Variants in TMC1 observed in about 807,000 individuals in gnomAD.
The protein encoded by TMC1 is transmembrane channel-like protein 1.
In TMC1, 84 loss-of-function variants were observed where a neutral mutation model predicts 105.8. That is an observed-to-expected ratio of 0.79 (90% CI 0.67 to 0.95). TMC1 has a LOEUF of 0.95. TMC1 is among the 40% of genes least tolerant of loss of function. The pLI, the probability that TMC1 is intolerant of heterozygous loss-of-function variation, is 0.00. For synonymous variants in TMC1, 315 were observed against 311.5 expected, an observed-to-expected ratio of 1.01 and a Z score of -0.12; for missense variants, 817 against 914.1, an observed-to-expected ratio of 0.89 and a Z score of 1.37.
At chr9:72,810,282 T>C (rs1364542798) in intron 18 of TMC1, among the ~76,000 whole-genome samples, 1 of 152,128 alleles carries the variant, frequency 6.6e-6, no homozygotes, top group Admixed American at 6.5e-5. Flanking sequence ...CAACCTGAGA[T>C]AGGCAGAGGA....
intron 12 of TMC1, among the ~76,000 whole-genome samples, chr9:72,761,153 T>C (rs970179667): frequency 2.6e-5 from 4 of 152,184 alleles, no homozygotes; most frequent in African/African-American, 9.6e-5. Flanking sequence ...ATGAATCAAA[T>C]AAGCAGAAAT....
intron 13 of TMC1, among the ~76,000 whole-genome samples, chr9:72,786,975 G>C (rs1181776014): frequency 6.7e-6 from 1 of 149,168 alleles, no homozygotes; most frequent in African/African-American, 2.5e-5. Context: ...TTCTCCCTAG[G>C]TTAAACCATA....
chr9:72,532,522 C>G (rs1303443598), intron 1 of TMC1, among the ~76,000 whole-genome samples: 1 of 101,828 alleles, frequency 9.8e-6, no homozygotes, highest in African/African-American at 3.8e-5. Flanking sequence ...GCCTGGACAA[C>G]AAGAGCGAGA....
chr9:72,668,430 GT>G (rs1358837585), intron 5 of TMC1, among the ~76,000 whole-genome samples: 1 of 152,160 alleles, frequency 6.6e-6, no homozygotes, highest in East Asian at 1.9e-4. Context: ...GTGTATTCTT[GT>G]TGATTGAGTG....
intron 12 of TMC1, among the ~76,000 whole-genome samples, chr9:72,764,263 G>A (rs1393308654): frequency 6.6e-6 from 1 of 152,094 alleles, no homozygotes; most frequent in Non-Finnish European, 1.5e-5. Context: ...GCTGTGTCCA[G>A]ATGACCACAC....
At chr9:72,667,442 A>G (rs895347992) in intron 5 of TMC1, among the ~76,000 whole-genome samples, 1 of 152,196 alleles carries the variant, frequency 6.6e-6, no homozygotes, top group African/African-American at 2.4e-5. Flanking sequence ...CATATTTTCA[A>G]AAAGATGTAG....
chr9:72,632,761 G>A (rs370593075), intron 4 of TMC1, among the ~76,000 whole-genome samples: 4 of 152,194 alleles, frequency 2.6e-5, no homozygotes, highest in African/African-American at 4.8e-5. Flanking sequence ...TATATTAATT[G>A]TAAGGTTTTT....
chr9:72,805,651 G>A (rs1663399827), intron 18 of TMC1, 141 bp downstream of exon 18: 1 of 740,526 alleles, frequency 1.4e-6, no homozygotes, highest in African/African-American at 1.8e-5. Context: ...ATAAACAAGT[G>A]AACAAAGGTC....
At chr9:72,832,818 A>T (rs1829062319) in intron 23 of TMC1, among the ~76,000 whole-genome samples, 2 of 152,206 alleles carry the variant, frequency 1.3e-5, no homozygotes, top group Admixed American at 1.3e-4. Flanking sequence ...TCAATACTAC[A>T]TGTGTGCATA....
intron 2 of TMC1, among the ~76,000 whole-genome samples, chr9:72,580,525 C>G (rs1824458060): frequency 2.6e-5 from 4 of 151,970 alleles, no homozygotes; most frequent in Admixed American, 2.6e-4. Flanking sequence ...ACACTAACTT[C>G]CAAACCTCTT....
chr9:72,532,486 A>T (rs893637575), intron 1 of TMC1, among the ~76,000 whole-genome samples: 1 of 134,386 alleles, frequency 7.4e-6, no homozygotes, highest in African/African-American at 2.8e-5. Flanking sequence ...GGTTGCAGTG[A>T]GCCGAGATCG....
chr9:72,735,616 A>T (rs1420539090), intron 8 of TMC1, among the ~76,000 whole-genome samples: 2 of 152,176 alleles, frequency 1.3e-5, no homozygotes, highest in Non-Finnish European at 2.9e-5. Flanking sequence ...TACGTTATCA[A>T]GGAGGATAGA....
rs773156746 is a variant in TMC1 at position 72,788,456 on chromosome 9, A to G, written c.1002A>G (p.Lys334=). The G allele has an allele frequency of 1.9e-6, 3 of 1,614,052 alleles. No homozygotes were observed. The highest frequency in any genetic ancestry group is 1.6e-4 in the Middle Eastern group (1 of 6,062). The change falls in exon 14 of 24, where the codon AAA becomes AAG. Residue 334 remains lysine, a synonymous_variant. Transcript: ENST00000297784. ...LIGNPETADN[K]FNSITMNFKE... The stretch of plus-strand genomic sequence containing the variant: ...GCAATCCTGAAACAGCAGACAACAA[A>G]TTTAATTCTATCACAATGAACTTTA...
chr9:72,750,820 A>G (rs552882906), intron 10 of TMC1, among the ~76,000 whole-genome samples: 8 of 152,216 alleles, frequency 5.3e-5, no homozygotes, highest in African/African-American at 1.9e-4. Flanking sequence ...CTTATCTGTC[A>G]CCACTTTCCC....
At chr9:72,700,670 A>T (rs746813552) in intron 8 of TMC1, 27 bp downstream of exon 8, 12 of 1,529,892 alleles carry the variant, frequency 7.8e-6, no homozygotes, top group Non-Finnish European at 1.1e-5. Flanking sequence ...TATAAGTAGA[A>T]ACACTTTCCC....
At chr9:72,650,883 G>GATATCTATATAAAT (rs1825796886) in intron 5 of TMC1, among the ~76,000 whole-genome samples, 1 of 98,410 alleles carries the variant, frequency 1.0e-5, no homozygotes, top group African/African-American at 3.5e-5. Flanking sequence ...TATATATATA[G>GATATCTATATAAAT]ATATATAGAT....
In TMC1 at chr9:72,805,274, T is replaced by C; in HGVS notation, c.1567-108T>C. On this transcript the variant is annotated intron_variant, in intron 17 of 23. Coordinates refer to ENST00000297784, the MANE Select transcript of TMC1 (RefSeq NM_138691.3). ...GTTGTTTTCTTCTTTTGCCATTAATTGCAGTCTTCAAGCCAATACTTCTTT... is the reference window on the plus strand; with the variant it reads ...GTTGTTTTCTTCTTTTGCCATTAATCGCAGTCTTCAAGCCAATACTTCTTT... 3.5e-6 allele frequency: 4 copies of C among 1,132,564 alleles called. No homozygotes were observed. In the South Asian group the frequency reaches 4.3e-5, roughly 12 times the overall value. 70.2% of individuals were successfully genotyped at this position (1,132,564 alleles called of 1,614,324 possible).
chr9:72,805,746 C>G (rs1380285509), intron 18 of TMC1, among the ~76,000 whole-genome samples: 2 of 151,708 alleles, frequency 1.3e-5, no homozygotes, highest in Admixed American at 1.3e-4. Flanking sequence ...GGTGATGACT[C>G]TTAAGGAGCA....
intron 2 of TMC1, among the ~76,000 whole-genome samples, chr9:72,585,307 C>T (rs1010986898): frequency 4.0e-5 from 5 of 124,864 alleles, no homozygotes; most frequent in Admixed American, 1.6e-4. Flanking sequence ...CCTGCCACCA[C>T]GCCCTGCTAA....
Sources: allele counts gnomAD v4.1 joint callset (sites outside exome capture counted in the v4.1 genomes callset), GRCh38; gene constraint gnomAD v4.1.1; transcripts MANE v1.5; gene names NCBI Gene and HGNC (gene_info 2026-07-23, HGNC 2026-07-21).